Variants in PTGFRN observed in about 807,000 individuals in gnomAD.
PTGFRN encodes the protein prostaglandin F2 receptor inhibitor.
Under a neutral mutation model 83.2 loss-of-function variants are expected in PTGFRN, and 35 were observed. The observed-to-expected ratio is 0.42, with a 90% CI of 0.32 to 0.56. The LOEUF is 0.56. PTGFRN is among the 20% of genes least tolerant of loss of function. The pLI is 0.11. For synonymous variants in PTGFRN, 519 were observed against 498.6 expected (o/e 1.04, Z -0.55); for missense variants, 1,051 against 1,179.5 (o/e 0.89, Z 1.60).
chr1:116,963,856 C>T (rs1448856849), intron 5 of PTGFRN, among the ~76,000 whole-genome samples: 3 of 151,548 alleles, frequency 2.0e-5, no homozygotes, highest in African/African-American at 7.3e-5. Flanking sequence ...ATTGTAGCTT[C>T]AGCCTCCTAG....
At chr1:116,985,070 A>G (rs1161046027) in intron 8 of PTGFRN, 85 bp downstream of exon 8, 1 of 1,399,318 alleles carries the variant, frequency 7.1e-7, no homozygotes, top group East Asian at 2.3e-5. Flanking sequence ...AGGTGGCCAC[A>G]GTTTGAGGAA....
In PTGFRN at chr1:116,910,246, T is replaced by C; in HGVS notation, c.43T>C (p.Ser15Pro). ...ASRPLLLALL[S>P]LALCRGRVVR... ...GAGGCCGCTGCTGCTGGCGCTCCTG[T>C]CGTTGGGTGAGTGTGCGCGGGGCTC... Residue 15 changes from serine to proline, a missense_variant, in exon 1 of 9, where the codon TCG (serine) becomes CCG (proline). Around this residue, in one of 3 missense-constraint regions of PTGFRN, gnomAD observed 127 missense variants for 168.4 expected, o/e 0.75. Coordinates refer to ENST00000393203, the MANE Select transcript of PTGFRN (RefSeq NM_020440.4). 1 of 1,448,376 alleles carries C rather than the reference T, an allele frequency of 6.9e-7. No individual in the cohort carries two copies. The highest frequency in any genetic ancestry group is 1.5e-5 in the African/African-American group (1 of 67,416). The allele number at this position is 1,448,376 out of a possible 1,614,324, so 89.7% of individuals were successfully genotyped here.
chr1:116,917,961 C>T lies in PTGFRN; in HGVS notation c.49+7709C>T, dbSNP rs143404866. ...CACATATAAAGTTTCCTCTGTGTCC[C>T]TCTGGATGTCTTCTTCTGTGTTGAT... On this transcript the variant is annotated intron_variant, in intron 1 of 8. Transcript: ENST00000393203. 3.7e-3 allele frequency among the ~76,000 whole-genome samples: 570 copies of T among 152,280 alleles called. 3 individuals are homozygous for T. Among genetic ancestry groups the T allele is most frequent in the African/African-American group, 0.013 (541 of 41,554 alleles).
intron 1 of PTGFRN, among the ~76,000 whole-genome samples, chr1:116,936,895 A>G (rs956330418): frequency 6.6e-6 from 1 of 152,248 alleles, no homozygotes; most frequent in Non-Finnish European, 1.5e-5. Flanking sequence ...CACTACTCAT[A>G]TGGAACTTAC....
rs534569096 is a variant in PTGFRN at position 116,952,154 on chromosome 1, A to C, written c.1213+2582A>C. Among the ~76,000 whole-genome samples the C allele has an allele frequency of 7.9e-5, 12 of 152,360 alleles. No homozygotes were observed. The highest frequency in any genetic ancestry group is 5.2e-4 in the Admixed American group (8 of 15,304). On this transcript the variant is annotated intron_variant, in intron 4 of 8. Coordinates refer to ENST00000393203, the MANE Select transcript of PTGFRN (RefSeq NM_020440.4). The surrounding 1 kb of genome is among the most constrained non-coding windows in gnomAD (Gnocchi z 4.0). ...GCACTGGACTAAGGACCTTATATGCATTAAATGTTCAATGTGAAAATATTT... is the reference window on the plus strand; with the variant it reads ...GCACTGGACTAAGGACCTTATATGCCTTAAATGTTCAATGTGAAAATATTT...
chr1:116,913,033 T>G (rs1649311537), intron 1 of PTGFRN, among the ~76,000 whole-genome samples: 1 of 152,156 alleles, frequency 6.6e-6, no homozygotes. Flanking sequence ...ATTTCTTGAG[T>G]GGCCACTCTG....
chr1:116,968,993 G>A (rs1650916271), intron 6 of PTGFRN, among the ~76,000 whole-genome samples: 1 of 151,936 alleles, frequency 6.6e-6, no homozygotes, highest in Non-Finnish European at 1.5e-5. Context: ...TGGCTATTAT[G>A]AATAGTGCTG....
intron 6 of PTGFRN, among the ~76,000 whole-genome samples, chr1:116,967,971 A>G (rs1650886951): frequency 6.6e-6 from 1 of 152,204 alleles, no homozygotes; most frequent in South Asian, 2.1e-4. Flanking sequence ...AGCTACTTCA[A>G]ATACTTTAGG....
chr1:116,920,344 C>T (rs1040280913), intron 1 of PTGFRN, among the ~76,000 whole-genome samples: 4 of 152,238 alleles, frequency 2.6e-5, no homozygotes, highest in African/African-American at 9.6e-5. Context: ...AGATGACAGA[C>T]TGTTTCGTAT....
rs17036676 is a variant in PTGFRN at position 116,984,822 on chromosome 1, C to T, written c.2310C>T (p.Arg770=). The change falls in exon 8 of 9, where the codon CGC becomes CGT. Residue 770 remains arginine, a synonymous_variant. Transcript: ENST00000393203. ...GGAAGAGCGACCTCAGCCTGGAGCG[C>T]GTGAGTGTGCTGGAATTCTTGCTGC... is the stretch of plus-strand genomic sequence containing the variant. ...RDWKSDLSLE[R]VSVLEFLLQV... The T allele has an allele frequency of 6.2e-4, 1,008 of 1,614,078 alleles. 10 individuals carry two copies. The African/African-American group carries it at 0.012, about 19-fold the overall frequency.
At chr1:116,980,936 A>G (rs1009455196) in intron 7 of PTGFRN, among the ~76,000 whole-genome samples, 5 of 152,256 alleles carry the variant, frequency 3.3e-5, no homozygotes, top group Non-Finnish European at 7.3e-5. Flanking sequence ...AAAGTGCTCT[A>G]TAATATCACA....
chr1:116,984,739 C>T lies in PTGFRN; in HGVS notation c.2227C>T (p.Pro743Ser), dbSNP rs1424190405. 6.2e-7 allele frequency: 1 copy of T among 1,614,004 alleles called. No individual in the cohort carries two copies. Among genetic ancestry groups the T allele is most frequent in the African/African-American group, 1.3e-5 (1 of 74,908 alleles). Reference sequence around the variant, plus strand: ...GCACTCTTTTGGCCTGGACAAGGCTCCTGTGCTCCTGTCTTCCCTGGATCG... The same window carrying T: ...GCACTCTTTTGGCCTGGACAAGGCTTCTGTGCTCCTGTCTTCCCTGGATCG... ...AVHSFGLDKAPVLLSSLDRKG... is the reference protein window; with the variant it reads ...AVHSFGLDKASVLLSSLDRKG... The change falls in exon 8 of 9, where the codon CCT (proline) becomes TCT (serine). Residue 743 changes from proline (P) to serine (S), a missense_variant. This residue lies in a region of PTGFRN where 719 missense variants were observed against 836.6 expected (regional missense o/e 0.86). Transcript: ENST00000393203.
intron 7 of PTGFRN, among the ~76,000 whole-genome samples, chr1:116,979,615 T>C (rs2101089301): frequency 6.6e-6 from 1 of 152,246 alleles, no homozygotes; most frequent in African/African-American, 2.4e-5. Context: ...AAACAAGACA[T>C]GGGGAAAGGA....
chr1:116,928,940 C>T (rs996471575), intron 1 of PTGFRN, among the ~76,000 whole-genome samples: 2 of 152,148 alleles, frequency 1.3e-5, no homozygotes. Context: ...GCTGATGACT[C>T]TCTAGTGAGT....
rs1649215754 is a variant in PTGFRN, at chr1:116,910,042, A to G, written c.-162A>G. On this transcript the variant is annotated 5_prime_UTR_variant, in exon 1 of 9. Coordinates refer to ENST00000393203, the MANE Select transcript of PTGFRN (RefSeq NM_020440.4). ...AGCGAGCGGAGCCAGGGGCGCACGT[A>G]CGCCCCAGCGCTGGGATTTATCGGC... The G allele has an allele frequency of 2.6e-6, 2 of 782,414 alleles. No homozygotes were observed. Among genetic ancestry groups the G allele is most frequent in the Non-Finnish European group, 2.1e-6 (1 of 474,904 alleles). The allele number at this position is 782,414 out of a possible 1,614,324, so 48.5% of individuals were successfully genotyped here.
chr1:116,936,543 T>G (rs972249038), intron 1 of PTGFRN, among the ~76,000 whole-genome samples: 23 of 152,194 alleles, frequency 1.5e-4, no homozygotes, highest in Admixed American at 1.2e-3. Flanking sequence ...TGGGGAAGGC[T>G]TCACAGAGGA....
At chr1:116,979,453 C>G (rs1454486886) in intron 7 of PTGFRN, among the ~76,000 whole-genome samples, 8 of 152,194 alleles carry the variant, frequency 5.3e-5, no homozygotes, top group Non-Finnish European at 1.2e-4. Context: ...AGGTATCACG[C>G]TGCCTGACTT....
intron 7 of PTGFRN, among the ~76,000 whole-genome samples, chr1:116,980,402 G>C (rs1651279192): frequency 6.6e-6 from 1 of 152,212 alleles, no homozygotes; most frequent in African/African-American, 2.4e-5. Context: ...AAAGACACAT[G>C]CACATGTGTG....
rs1651080010 is a variant in PTGFRN, at chr1:116,974,277, C to T, written c.2121C>T (p.Ile707=). Residue 707 remains isoleucine, a synonymous_variant, in exon 7 of 9, where the codon ATC becomes ATT. Transcript: ENST00000393203. ...DTPSVIRGDL[I]KLFCIITVEG... ...CATCAGTAATTCGGGGAGATCTGAT[C>T]AAATTGTTCTGTATCATCACTGTCG... 1 of 1,613,448 alleles carries T rather than the reference C, an allele frequency of 6.2e-7. No individual in the cohort carries two copies. Among genetic ancestry groups the T allele is most frequent in the African/African-American group, 1.3e-5 (1 of 74,906 alleles).
Sources: gnomAD v4.1 joint callset for allele counts (sites outside exome capture counted in the v4.1 genomes callset) on GRCh38, gnomAD v4.1.1 for gene constraint, gnomAD v4.1.1 regional missense constraint, Gnocchi (gnomAD v3.1) non-coding constraint, MANE v1.5 for transcripts, NCBI Gene and HGNC (gene_info 2026-07-23, HGNC 2026-07-21) for gene names.